PDE3A: variants seen among roughly 807,000 people sequenced by gnomAD.
The protein encoded by PDE3A is cGMP-inhibited 3',5'-cyclic phosphodiesterase 3A.
In PDE3A, 43 loss-of-function variants were observed where a neutral mutation model predicts 98.3. The observed-to-expected ratio is 0.44, with a 90% confidence interval of 0.34 to 0.56. PDE3A has a LOEUF of 0.56. Ranked by LOEUF, PDE3A falls within the 20% of genes least tolerant of loss-of-function variation. The probability of loss-of-function intolerance (pLI) is 0.01; values close to 1 mark genes in which losing one functional copy is unlikely to be tolerated. For synonymous variants in PDE3A, 663 were observed against 567.9 expected, an observed-to-expected ratio of 1.17 and a Z score of -2.38; for missense variants, 1,427 against 1,440.7, an observed-to-expected ratio of 0.99 and a Z score of 0.15.
At chr12:20,450,558 G>C (rs1270380994) in intron 1 of PDE3A, among the ~76,000 whole-genome samples, 1 of 152,162 alleles carries the variant, frequency 6.6e-6, no homozygotes, top group Admixed American at 6.6e-5. Context: ...AGAGATTCGT[G>C]GGATATTATA....
chr12:20,655,120 A>G (rs777435400), intron 15 of PDE3A, among the ~76,000 whole-genome samples: 4 of 152,214 alleles, frequency 2.6e-5, no homozygotes, highest in Non-Finnish European at 5.9e-5. Flanking sequence ...TATGTTAAAT[A>G]CAGTATTATT....
intron 15 of PDE3A, among the ~76,000 whole-genome samples, chr12:20,673,902 A>G (rs906431071): frequency 1.3e-5 from 2 of 152,108 alleles, no homozygotes; most frequent in East Asian, 3.9e-4. Context: ...CTGAATCCAT[A>G]CATTGCTTGG....
intron 1 of PDE3A, among the ~76,000 whole-genome samples, chr12:20,474,345 T>C (rs1945491603): frequency 6.6e-6 from 1 of 152,224 alleles, no homozygotes; most frequent in Non-Finnish European, 1.5e-5. Context: ...CGTCTAGATA[T>C]ATTGTGAGTG....
chr12:20,424,011 G>A (rs1944564857), intron 1 of PDE3A, among the ~76,000 whole-genome samples: 1 of 152,268 alleles, frequency 6.6e-6, no homozygotes, highest in South Asian at 2.1e-4. Context: ...AGAAATAGCA[G>A]TGTTCGGTGA....
intron 1 of PDE3A, among the ~76,000 whole-genome samples, chr12:20,487,573 A>C (rs981139995): frequency 3.3e-5 from 5 of 151,056 alleles, no homozygotes; most frequent in African/African-American, 9.7e-5. Context: ...GAATTGCTTG[A>C]ACCCAGGAGG....
chr12:20,439,334 G>A (rs73239573), intron 1 of PDE3A, among the ~76,000 whole-genome samples: 13,787 of 152,108 alleles, frequency 0.091, 809 homozygotes, highest in Admixed American at 0.16. Context: ...ATGACATTCA[G>A]TATGAATTTT....
chr12:20,488,498 G>A (rs754337920), intron 1 of PDE3A, among the ~76,000 whole-genome samples: 1 of 152,006 alleles, frequency 6.6e-6, no homozygotes, highest in African/African-American at 2.4e-5. Flanking sequence ...AAGTGAACAA[G>A]CTTTTAAAAG....
chr12:20,538,717 T>C (rs1222820201), intron 1 of PDE3A, among the ~76,000 whole-genome samples: 1 of 152,178 alleles, frequency 6.6e-6, no homozygotes, highest in Non-Finnish European at 1.5e-5. Context: ...AATCAACTCC[T>C]TATTGTAGCC....
chr12:20,634,475 C>A (rs1944453412), intron 7 of PDE3A, among the ~76,000 whole-genome samples: 1 of 152,166 alleles, frequency 6.6e-6, no homozygotes, highest in South Asian at 2.1e-4. Context: ...TGCTCCCAAG[C>A]ATATGCCATC....
intron 2 of PDE3A, among the ~76,000 whole-genome samples, chr12:20,607,711 G>GTAAC (rs1943746665): frequency 6.6e-6 from 1 of 151,354 alleles, no homozygotes; most frequent in African/African-American, 2.4e-5. Flanking sequence ...ATATTGCTTG[G>GTAAC]TAAGTTTTTT....
intron 1 of PDE3A, 156 bp downstream of exon 1, chr12:20,370,400 GTTTTTTTTGTT>G (rs1943449024): frequency 1.4e-5 from 5 of 359,858 alleles, no homozygotes; most frequent in Non-Finnish European, 1.8e-5. Flanking sequence ...TTTTTTTTTT[GTTTTTTTTGTT>G]TTTTTTTTTT....
chr12:20,643,694 G>A (rs1301048966), intron 10 of PDE3A, among the ~76,000 whole-genome samples: 1 of 151,978 alleles, frequency 6.6e-6, no homozygotes, highest in East Asian at 1.9e-4. Flanking sequence ...TATACATACT[G>A]TCTTTACCTC....
rs1236565816 is a variant in PDE3A at position 20,571,421 on chromosome 12, A to AC, written c.1011+14717dup. ...TACATTATAGTGTACATGAATGCTG[A>AC]CCCCCCTGGAGTTGTGCAGCGCACA... is the stretch of plus-strand genomic sequence containing the variant. On this transcript the variant is annotated intron_variant, in intron 2 of 15. Coordinates refer to ENST00000359062, the MANE Select transcript of PDE3A (RefSeq NM_000921.5). 5.3e-5 allele frequency among the ~76,000 whole-genome samples: 8 copies of AC among 151,900 alleles called. No homozygotes were observed. In the East Asian group the frequency reaches 1.4e-3, roughly 26 times the overall value.
At chr12:20,535,896 A>G (rs552190679) in intron 1 of PDE3A, among the ~76,000 whole-genome samples, 1 of 152,270 alleles carries the variant, frequency 6.6e-6, no homozygotes, top group African/African-American at 2.4e-5. Flanking sequence ...GAGGGGATTT[A>G]CTCACAGAAA....
chr12:20,430,924 C>T lies in PDE3A; in HGVS notation c.960+60680C>T, dbSNP rs187764204. On this transcript the variant is annotated intron_variant, in intron 1 of 15. Transcript: ENST00000359062. ...TTTAAATCCATGTTCTTATACAGGGCTATAGATATCTTACCCGTCAGTTCC... is the reference window on the plus strand; with the variant it reads ...TTTAAATCCATGTTCTTATACAGGGTTATAGATATCTTACCCGTCAGTTCC... Among the ~76,000 whole-genome samples, 617 of 151,962 alleles carry T rather than the reference C, an allele frequency of 4.1e-3. 5 individuals carry two copies. The highest frequency in any genetic ancestry group is 0.014 in the African/African-American group (586 of 41,280).
At chr12:20,378,664 A>G (rs1458162828) in intron 1 of PDE3A, among the ~76,000 whole-genome samples, 1 of 151,776 alleles carries the variant, frequency 6.6e-6, no homozygotes, top group African/African-American at 2.4e-5. Flanking sequence ...AGCTGACTTA[A>G]TTTAGAGTTC....
intron 1 of PDE3A, among the ~76,000 whole-genome samples, chr12:20,401,651 G>A (rs574834994): frequency 3.2e-4 from 49 of 152,190 alleles, no homozygotes; most frequent in African/African-American, 1.2e-3. Flanking sequence ...CCTGCTTCAC[G>A]ATGTGTTTTC....
At chr12:20,371,267 C>G in intron 1 of PDE3A, 1 of 614,332 alleles carries the variant, frequency 1.6e-6, no homozygotes, top group Non-Finnish European at 2.0e-6. Context: ...TAAATGCATA[C>G]GGTGTCTAAA....
intron 2 of PDE3A, among the ~76,000 whole-genome samples, chr12:20,605,164 G>A (rs1285126035): frequency 1.3e-5 from 2 of 152,140 alleles, no homozygotes; most frequent in East Asian, 3.9e-4. Flanking sequence ...GTTAGTCTAT[G>A]TAATTTACAG....
Sources: gnomAD v4.1 joint callset for allele counts (sites outside exome capture counted in the v4.1 genomes callset) on GRCh38, gnomAD v4.1.1 for gene constraint, MANE v1.5 for transcripts, NCBI Gene and HGNC (gene_info 2026-07-23, HGNC 2026-07-21) for gene names.